PTPRD: variants seen among roughly 807,000 people sequenced by gnomAD.
PTPRD encodes receptor-type tyrosine-protein phosphatase delta.
Under a neutral mutation model 214.5 loss-of-function variants are expected in PTPRD, and 34 were observed. The observed-to-expected ratio is 0.16, with a 90% confidence interval of 0.12 to 0.21. PTPRD has a LOEUF of 0.21. Among genes scored for constraint, PTPRD ranks in the 10% least tolerant of loss-of-function variants. The probability of loss-of-function intolerance (pLI) is 1.00; values close to 1 mark genes in which losing one functional copy is unlikely to be tolerated. For missense variants in PTPRD, 2,545 were observed against 2,398.7 expected (o/e 1.06, Z -1.27); for synonymous variants, 1,128 against 845.7 (o/e 1.33, Z -5.79).
At chr9:9,469,870 G>C (rs1589245743) in intron 8 of PTPRD, among the ~76,000 whole-genome samples, 1 of 152,138 alleles carries the variant, frequency 6.6e-6, no homozygotes. Flanking sequence ...TGAGGGGTCA[G>C]AATACCGTAA....
chr9:9,018,722 C>CTA lies in PTPRD; in HGVS notation c.-130_-129insTA, dbSNP rs2099546737. On this transcript the variant is annotated 5_prime_UTR_variant, in exon 11 of 46. Transcript: ENST00000381196. ...TTGTTCTTTAGATCCCACGGGTGTT[C>CTA]ACCAGACGTCTCCCTAAACAAAGAA... is the stretch of plus-strand genomic sequence containing the variant. 2 of 152,162 alleles carry CTA rather than the reference C, an allele frequency of 1.3e-5. No homozygotes were observed. Among genetic ancestry groups the CTA allele is most frequent in the African/African-American group, 4.8e-5 (2 of 41,440 alleles). The allele number at this position is 152,162 out of a possible 1,614,324, so 9.4% of individuals were successfully genotyped here. A position where few individuals can be genotyped will look rare whatever the true frequency, so the allele number is the denominator to read the frequency against.
chr9:9,459,548 G>C (rs2093432634), intron 8 of PTPRD, among the ~76,000 whole-genome samples: 1 of 151,920 alleles, frequency 6.6e-6, no homozygotes, highest in Non-Finnish European at 1.5e-5. Context: ...TTCCATTTCT[G>C]TACATCCACC....
intron 3 of PTPRD, among the ~76,000 whole-genome samples, chr9:10,119,456 A>G (rs2098757608): frequency 6.6e-6 from 1 of 152,012 alleles, no homozygotes; most frequent in Non-Finnish European, 1.5e-5. Flanking sequence ...TAGTACATGA[A>G]AAATGTTTAA....
chr9:9,298,342 G>A (rs912342058), intron 9 of PTPRD, among the ~76,000 whole-genome samples: 10 of 151,400 alleles, frequency 6.6e-5, no homozygotes, highest in East Asian at 5.8e-4. Context: ...CTGATTCCCT[G>A]GAATGCTTAT....
intron 9 of PTPRD, among the ~76,000 whole-genome samples, chr9:9,340,567 T>A (rs946796984): frequency 6.6e-6 from 1 of 152,216 alleles, no homozygotes; most frequent in African/African-American, 2.4e-5. Context: ...TATTAATTAC[T>A]GCTACAGACT....
intron 7 of PTPRD, among the ~76,000 whole-genome samples, chr9:9,694,886 TC>T (rs986490449): frequency 2.6e-5 from 4 of 152,110 alleles, no homozygotes; most frequent in Non-Finnish European, 5.9e-5. Context: ...CTTGGTCAGG[TC>T]CAGAAATGCC....
chr9:10,010,221 C>A (rs994074882), intron 4 of PTPRD, among the ~76,000 whole-genome samples: 4 of 151,842 alleles, frequency 2.6e-5, no homozygotes, highest in Non-Finnish European at 5.9e-5. Context: ...CACATGTCTC[C>A]AAACACCATG....
chr9:9,035,541 G>T (rs1051075759), intron 10 of PTPRD, among the ~76,000 whole-genome samples: 2 of 151,884 alleles, frequency 1.3e-5, no homozygotes, highest in African/African-American at 2.4e-5. Flanking sequence ...CCCGTCATAG[G>T]GTGTTCCCCC....
At chr9:9,917,819 T>A (rs895576041) in intron 5 of PTPRD, among the ~76,000 whole-genome samples, 5 of 152,010 alleles carry the variant, frequency 3.3e-5, no homozygotes, top group Non-Finnish European at 7.4e-5. Context: ...ACATCACATT[T>A]GTAGAATGAA....
At chr9:8,389,560 CAGGTCCTATT>C (rs2088654439) in intron 36 of PTPRD, among the ~76,000 whole-genome samples, 153 bp from the exon 37 acceptor site, 2 of 152,102 alleles carry the variant, frequency 1.3e-5, no homozygotes, top group South Asian at 4.1e-4. Context: ...AGATTAAAAA[CAGGTCCTATT>C]AGAACCGTCA....
intron 8 of PTPRD, among the ~76,000 whole-genome samples, chr9:9,441,397 G>T (rs575319358): frequency 1.3e-5 from 2 of 152,106 alleles, no homozygotes; most frequent in African/African-American, 4.8e-5. Context: ...CTAGACAAAA[G>T]AAAAAGTATG....
At chr9:9,062,629 C>T (rs2099709664) in intron 10 of PTPRD, among the ~76,000 whole-genome samples, 1 of 151,982 alleles carries the variant, frequency 6.6e-6, no homozygotes, top group African/African-American at 2.4e-5. Context: ...AAATAAGGTC[C>T]AAAATTTAGC....
chr9:9,711,009 C>T (rs2097717425), intron 7 of PTPRD, among the ~76,000 whole-genome samples: 1 of 151,912 alleles, frequency 6.6e-6, no homozygotes, highest in African/African-American at 2.4e-5. Context: ...CACACGACAA[C>T]GTGTGAATGT....
At chr9:8,584,626 T>C (rs1241788056) in intron 14 of PTPRD, among the ~76,000 whole-genome samples, 2 of 152,170 alleles carry the variant, frequency 1.3e-5, no homozygotes, top group African/African-American at 4.8e-5. Context: ...GTATTATTTT[T>C]CCAATGTTCT....
chr9:9,879,467 T>C (rs1419103151), intron 5 of PTPRD, among the ~76,000 whole-genome samples: 1 of 152,232 alleles, frequency 6.6e-6, no homozygotes, highest in African/African-American at 2.4e-5. Flanking sequence ...GCTTGTATCA[T>C]AGAGGAAGTG....
chr9:9,118,450 G>T (rs761819254), intron 10 of PTPRD, among the ~76,000 whole-genome samples: 1 of 152,114 alleles, frequency 6.6e-6, no homozygotes, highest in South Asian at 2.1e-4. Context: ...TTAGTACCCA[G>T]CAACTTTTTA....
intron 2 of PTPRD, among the ~76,000 whole-genome samples, chr9:10,604,116 G>C (rs969819243): frequency 2.0e-5 from 3 of 151,724 alleles, no homozygotes; most frequent in African/African-American, 7.3e-5. Flanking sequence ...AATAGGAAGA[G>C]AACTGATGAG....
intron 11 of PTPRD, among the ~76,000 whole-genome samples, chr9:8,950,237 G>C (rs534992142): frequency 8.5e-5 from 13 of 152,208 alleles, no homozygotes; most frequent in African/African-American, 2.4e-4. Flanking sequence ...CCTACTGCCT[G>C]CCAATTTCTG....
rs774243888 is a variant in PTPRD, at chr9:8,319,896, C to G, written c.5605G>C (p.Val1869Leu). The G allele has an allele frequency of 3.7e-6, 6 of 1,613,096 alleles. No individual in the cohort carries two copies. The highest frequency in any genetic ancestry group is 5.1e-6 in the Non-Finnish European group (6 of 1,179,446). ...TTGACAGTCTGGAAGATATCTACAA[C>G]TCCTTCATATCTCATTCTTTCCAAA... ...IVLERMRYEG[V>L]VDIFQTVKML... is the part of the protein sequence containing the mutation. Residue 1869 changes from valine (V) to leucine (L), a missense_variant, in exon 45 of 46, where the codon GTT (valine) becomes CTT (leucine). Val to Leu is a conservative substitution (Grantham distance 32). Transcript: ENST00000381196.
Sources: allele counts gnomAD v4.1 joint callset (sites outside exome capture counted in the v4.1 genomes callset), GRCh38; gene constraint gnomAD v4.1.1; transcripts MANE v1.5; gene names NCBI Gene and HGNC (gene_info 2026-07-23, HGNC 2026-07-21).